Variants in PGLS observed in about 807,000 individuals in gnomAD.
The protein encoded by PGLS is 6-phosphogluconolactonase, also known as epididymis secretory protein Li 304.
In PGLS, 21 loss-of-function variants were observed where a neutral mutation model predicts 23.2. The observed-to-expected ratio is 0.91, with a 90% CI of 0.64 to 1.31. PGLS has a LOEUF of 1.31. Among genes scored for constraint, PGLS ranks in the 50% most tolerant of loss-of-function variants. The probability of loss-of-function intolerance (pLI) is 0.00; values close to 1 mark genes in which losing one functional copy is unlikely to be tolerated. For missense variants in PGLS, 410 were observed against 354.0 expected (o/e 1.16, Z -1.27); for synonymous variants, 179 against 165.4 (o/e 1.08, Z -0.63).
rs903091383 is a variant in PGLS, at chr19:17,511,885, G to A, written c.213G>A (p.Ala71=). Residue 71 remains alanine, a synonymous_variant, in exon 1 of 5, where the codon GCG becomes GCA. Coordinates refer to ENST00000252603, the MANE Select transcript of PGLS (RefSeq NM_012088.3). Reference sequence around the variant, plus strand: ...CCCCTGCCGGGCCAGCTAGCTTAGCGCGCTGGACGCTGGGCTTCTGCGACG... The same window carrying A: ...CCCCTGCCGGGCCAGCTAGCTTAGCACGCTGGACGCTGGGCTTCTGCGACG... The part of the protein sequence containing the change: ...AVAPAGPASL[A]RWTLGFCDER... 1.3e-6 allele frequency: 2 copies of A among 1,541,474 alleles called. No individual in the cohort carries two copies. The highest frequency in any genetic ancestry group is 1.4e-5 in the African/African-American group (1 of 71,368).
Position 17,517,320 on chromosome 19 carries a change from C to T in PGLS, c.429C>T (p.Asp143=), listed in dbSNP as rs769024806. ...AFQGDSIPVF[D]LLILGVGPDG... Reference sequence around the variant, plus strand: ...AAGGGGACTCCATCCCGGTTTTCGACCTGCTGATCCTGGGGGTGGGCCCCG... The same window carrying T: ...AAGGGGACTCCATCCCGGTTTTCGATCTGCTGATCCTGGGGGTGGGCCCCG... The change falls in exon 3 of 5, where the codon GAC becomes GAT. Residue 143 remains aspartate (D), a synonymous_variant. Coordinates refer to ENST00000252603, the MANE Select transcript of PGLS (RefSeq NM_012088.3). The T allele has an allele frequency of 5.0e-6, 8 of 1,614,054 alleles. No individual in the cohort carries two copies. Among genetic ancestry groups the T allele is most frequent in the Admixed American group, 1.7e-5 (1 of 60,006 alleles).
At chr19:17,517,040 A>G (rs1213061186) in intron 2 of PGLS, among the ~76,000 whole-genome samples, 3 of 151,622 alleles carry the variant, frequency 2.0e-5, no homozygotes, top group Non-Finnish European at 2.9e-5. Context: ...GCCTGCCACC[A>G]CGCCTGGCTA....
chr19:17,519,168 G>C (rs2075546324), intron 4 of PGLS, among the ~76,000 whole-genome samples: 1 of 151,622 alleles, frequency 6.6e-6, no homozygotes, highest in Admixed American at 6.6e-5. Flanking sequence ...ACAAAAATTA[G>C]CCAGGCGTGG....
chr19:17,518,024 AAC>A (rs1491076820), intron 4 of PGLS, among the ~76,000 whole-genome samples, 174 bp downstream of exon 4: 32 of 140,488 alleles, frequency 2.3e-4, no homozygotes, highest in East Asian at 8.1e-4. Flanking sequence ...AAAAAAAAAA[AAC>A]CCCAGAAAAT....
rs1425038562 is a variant in PGLS at position 17,511,841 on chromosome 19, G to C, written c.169G>C (p.Glu57Gln). Residue 57 changes from glutamate (E) to glutamine (Q), a missense_variant, in exon 1 of 5, where the codon GAG becomes CAG. Physicochemically the swap from Glu to Gln is conservative, Grantham distance 29. Coordinates refer to ENST00000252603, the MANE Select transcript of PGLS (RefSeq NM_012088.3). ...GGSLVSMLAR[E>Q]LPAAVAPAGP... ...GAGCCTCGTCTCGATGCTAGCCCGC[G>C]AGCTACCCGCCGCCGTCGCCCCTGC... The C allele has an allele frequency of 1.3e-6, 2 of 1,529,136 alleles. No individual in the cohort carries two copies. The highest frequency in any genetic ancestry group is 1.8e-6 in the Non-Finnish European group (2 of 1,141,864). 94.7% of individuals were successfully genotyped at this position (1,529,136 alleles called of 1,614,324 possible). A position where few individuals can be genotyped will look rare whatever the true frequency, so the allele number is the denominator to read the frequency against.
intron 1 of PGLS, chr19:17,513,042 T>C (rs1055581364): frequency 6.6e-6 from 1 of 152,142 alleles, no homozygotes; most frequent in African/African-American, 2.4e-5. Flanking sequence ...TCTGACTTCG[T>C]AGTTGGGTAC....
rs2075509136 is a variant in PGLS at position 17,511,921 on chromosome 19, G to C, written c.249G>C (p.Val83=). ...TGGGCTTCTGCGACGAGCGCCTCGT[G>C]CCCTTCGATCACGCCGAGAGCACGT... is the stretch of plus-strand genomic sequence containing the variant. ...WTLGFCDERL[V]PFDHAESTYG... Residue 83 remains valine, a synonymous_variant, in exon 1 of 5, where the codon GTG becomes GTC. Coordinates refer to ENST00000252603, the MANE Select transcript of PGLS (RefSeq NM_012088.3). 1 of 1,547,814 alleles carries C rather than the reference G, an allele frequency of 6.5e-7. No homozygotes were observed. Among genetic ancestry groups the C allele is most frequent in the African/African-American group, 1.4e-5 (1 of 71,670 alleles).
Position 17,511,855 on chromosome 19 carries a change from C to T in PGLS, c.183C>T (p.Ala61=), listed in dbSNP as rs774581319. The T allele has an allele frequency of 3.3e-6, 5 of 1,532,358 alleles. No homozygotes were observed. In the South Asian group the frequency reaches 4.8e-5, roughly 15 times the overall value. The allele number at this position is 1,532,358 out of a possible 1,614,324, so 94.9% of individuals were successfully genotyped here. A position where few individuals can be genotyped will look rare whatever the true frequency, so the allele number is the denominator to read the frequency against. ...TGCTAGCCCGCGAGCTACCCGCCGC[C>T]GTCGCCCCTGCCGGGCCAGCTAGCT... ...VSMLARELPA[A]VAPAGPASLA... The change falls in exon 1 of 5, where the codon GCC becomes GCT. Residue 61 remains alanine (A), a synonymous_variant. Transcript: ENST00000252603.
rs1243774717 is a variant in PGLS, at chr19:17,516,216, TCAC to T, written c.335_337del (p.Thr112del). ...CTGCCGATCCCAGAAAGCCAGGTGA[TCAC>T]CATTAACCCCGAGCTGCCTGTGGAG... On this transcript the variant is annotated inframe_deletion, in exon 2 of 5. Coordinates refer to ENST00000252603, the MANE Select transcript of PGLS (RefSeq NM_012088.3). 6.2e-7 allele frequency: 1 copy of T among 1,614,068 alleles called. No homozygotes were observed. Among genetic ancestry groups the T allele is most frequent in the Admixed American group, 1.7e-5 (1 of 60,000 alleles).
At chr19:17,515,154 C>G (rs1472129636) in intron 1 of PGLS, among the ~76,000 whole-genome samples, 1 of 152,138 alleles carries the variant, frequency 6.6e-6, no homozygotes, top group Non-Finnish European at 1.5e-5. Context: ...TAGATTAACA[C>G]AGGGACCTTG....
chr19:17,512,142 C>A (rs1568431478), intron 1 of PGLS, 182 bp downstream of exon 1: 3 of 663,116 alleles, frequency 4.5e-6, no homozygotes, highest in Non-Finnish European at 7.1e-6. Flanking sequence ...ACCTCGGCTA[C>A]GTGGGTCGCT....
intron 1 of PGLS, 51 bp downstream of exon 1, chr19:17,512,011 C>G: frequency 1.1e-5 from 17 of 1,480,968 alleles, no homozygotes; most frequent in Non-Finnish European, 1.5e-5. Flanking sequence ...CCACAGCCAC[C>G]GCCTACACCC....
intron 3 of PGLS, 44 bp from the exon 4 acceptor site, chr19:17,517,666 G>A: frequency 6.2e-7 from 1 of 1,609,990 alleles, no homozygotes; most frequent in Non-Finnish European, 8.5e-7. Flanking sequence ...AGAAGCTGAA[G>A]TGACATTGTC....
chr19:17,521,063 G>A lies in PGLS; in HGVS notation c.759G>A (p.Glu253=). ...CCCGCCTCCTGACCGTGCCCTTCGA[G>A]AAGCATTCCACTTTGTAGCTGGCCA... ...AAARLLTVPF[E]KHSTL Residue 253 remains glutamate (E), a synonymous_variant, in exon 5 of 5, where the codon GAG becomes GAA. Coordinates refer to ENST00000252603, the MANE Select transcript of PGLS (RefSeq NM_012088.3). 4 of 1,602,018 alleles carry A rather than the reference G, an allele frequency of 2.5e-6. No homozygotes were observed. The highest frequency in any genetic ancestry group is 3.4e-6 in the Non-Finnish European group (4 of 1,173,450).
In PGLS at chr19:17,516,196, G is replaced by A. The variant is rs762776860; in HGVS notation, c.312G>A (p.Pro104=). 64 of 1,613,846 alleles carry A rather than the reference G, an allele frequency of 4.0e-5. No homozygotes were observed. In the Admixed American group the frequency reaches 4.8e-4, roughly 12 times the overall value. ...AGACGCATCTTCTCTCCAGACTGCC[G>A]ATCCCAGAAAGCCAGGTGATCACCA... The part of the protein sequence containing the change: ...LYRTHLLSRL[P]IPESQVITIN... Residue 104 remains proline (P), a synonymous_variant, in exon 2 of 5, where the codon CCG becomes CCA. Transcript: ENST00000252603.
At chr19:17,518,327 C>A in intron 4 of PGLS, 1 of 151,930 alleles carries the variant, frequency 6.6e-6, no homozygotes, top group Non-Finnish European at 1.5e-5. Context: ...TAGAAAAGCT[C>A]CTGACAAGGC....
intron 4 of PGLS, among the ~76,000 whole-genome samples, chr19:17,519,445 G>C (rs920384965): frequency 6.6e-6 from 1 of 151,894 alleles, no homozygotes; most frequent in Non-Finnish European, 1.5e-5. Flanking sequence ...TGTCATCCAA[G>C]CTGGAGTGCA....
At chr19:17,516,798 A>G (rs1175441692) in intron 2 of PGLS, among the ~76,000 whole-genome samples, 3 of 150,436 alleles carry the variant, frequency 2.0e-5, no homozygotes, top group Non-Finnish European at 2.9e-5. Flanking sequence ...CATGTTAGCC[A>G]GGATGGTCTC....
chr19:17,512,309 T>C (rs1344622155), intron 1 of PGLS: 1 of 343,190 alleles, frequency 2.9e-6, no homozygotes, highest in Non-Finnish European at 5.4e-6. Flanking sequence ...GAACCCCGCC[T>C]ACAGTGGGTC....
Sources: allele counts gnomAD v4.1 joint callset (sites outside exome capture counted in the v4.1 genomes callset), GRCh38; gene constraint gnomAD v4.1.1; transcripts MANE v1.5; gene names NCBI Gene and HGNC (gene_info 2026-07-23, HGNC 2026-07-21).